Variants in CCDC39 observed in about 807,000 individuals in gnomAD.
CCDC39 encodes the protein coiled-coil domain 39 molecular ruler complex subunit, also known as coiled-coil domain-containing protein 39.
CCDC39 carries 113 observed loss-of-function variants against 121.0 expected under a neutral mutation model. The ratio of observed to expected loss-of-function variants is 0.93; its 90% CI spans 0.80 to 1.09. The LOEUF is 1.09. CCDC39 is among the 50% of genes least tolerant of loss of function. The pLI, the probability that CCDC39 is intolerant of heterozygous loss-of-function variation, is 0.00. For synonymous variants in CCDC39, 349 were observed against 352.2 expected (o/e 0.99, Z 0.10); for missense variants, 1,063 against 1,074.7 (o/e 0.99, Z 0.15).
chr3:180,642,654 G>T (rs976311827), intron 12 of CCDC39, among the ~76,000 whole-genome samples: 3 of 151,978 alleles, frequency 2.0e-5, no homozygotes, highest in African/African-American at 7.2e-5. Context: ...AAACACTCCA[G>T]GATATAAGAT....
At chr3:180,670,780 G>T (rs868354912) in intron 1 of CCDC39, among the ~76,000 whole-genome samples, 1 of 152,030 alleles carries the variant, frequency 6.6e-6, no homozygotes, top group South Asian at 2.1e-4. Context: ...AATATGAGGT[G>T]GGTCTAGACT....
chr3:180,677,700 G>T (rs958743148), intron 1 of CCDC39, among the ~76,000 whole-genome samples: 1 of 151,702 alleles, frequency 6.6e-6, no homozygotes, highest in Non-Finnish European at 1.5e-5. Context: ...GTTAAATACC[G>T]CATATATATA....
chr3:180,654,997 T>C, intron 6 of CCDC39, 44 bp from the exon 7 acceptor site: 1 of 1,236,488 alleles, frequency 8.1e-7, no homozygotes. Context: ...ATGTTTAAAC[T>C]GAGAAAACTA....
intron 13 of CCDC39, among the ~76,000 whole-genome samples, chr3:180,637,219 TAAAC>T (rs1245092499): frequency 1.6e-4 from 24 of 151,794 alleles, no homozygotes; most frequent in Admixed American, 1.6e-3. Flanking sequence ...ATAAGGAACT[TAAAC>T]AAATTTATAA....
chr3:180,668,818 A>G (rs1238572808), intron 1 of CCDC39, among the ~76,000 whole-genome samples: 4 of 152,196 alleles, frequency 2.6e-5, no homozygotes, highest in Non-Finnish European at 5.9e-5. Context: ...AGAACATAAT[A>G]GCACTCAATA....
intron 16 of CCDC39, among the ~76,000 whole-genome samples, chr3:180,618,492 G>A (rs1178027766): frequency 6.6e-6 from 1 of 151,708 alleles, no homozygotes; most frequent in East Asian, 1.9e-4. Flanking sequence ...GTGCCATGTT[G>A]GTGTGCTGCA....
Position 180,661,928 on chromosome 3 carries a change from A to T in CCDC39, c.290T>A (p.Val97Glu). The change falls in exon 3 of 20, where the codon GTG (valine) becomes GAG (glutamate). Residue 97 changes from valine (V) to glutamate (E), a missense_variant. By Grantham distance (121) the Val-to-Glu change is moderately radical (BLOSUM62 -2). Coordinates refer to ENST00000476379, the MANE Select transcript of CCDC39 (RefSeq NM_181426.2). ...KAIAQRELGR[V>E]KDEIQRLENE... ...TTCCAGCCGTTGAATTTCATCTTTC[A>T]CTCGTCCCAATTCTCTTTGAGCAAT... 1 of 1,579,680 alleles carries T rather than the reference A, an allele frequency of 6.3e-7. No individual in the cohort carries two copies. The highest frequency in any genetic ancestry group is 1.2e-5 in the South Asian group (1 of 86,478).
intron 14 of CCDC39, among the ~76,000 whole-genome samples, chr3:180,626,400 A>C (rs1413448043): frequency 6.6e-6 from 1 of 152,026 alleles, no homozygotes; most frequent in African/African-American, 2.4e-5. Context: ...GGTTCCCAGG[A>C]CACTGGCAGA....
At chr3:180,664,325 C>T (rs570547898) in intron 1 of CCDC39, among the ~76,000 whole-genome samples, 18 of 152,186 alleles carry the variant, frequency 1.2e-4, no homozygotes, top group East Asian at 5.8e-4. Context: ...TAAAAGAGCA[C>T]CAACACCATT....
chr3:180,664,640 T>C (rs1187922434), intron 1 of CCDC39, among the ~76,000 whole-genome samples: 1 of 152,008 alleles, frequency 6.6e-6, no homozygotes, highest in Non-Finnish European at 1.5e-5. Flanking sequence ...CATACAGCAA[T>C]ACTATATTTT....
At chr3:180,616,204 G>A (rs993398982) in intron 19 of CCDC39, 77 bp downstream of exon 19, 2 of 1,223,068 alleles carry the variant, frequency 1.6e-6, no homozygotes, top group African/African-American at 3.0e-5. Context: ...AACAGCTGCG[G>A]TGATGTAGAA....
At chr3:180,650,213 A>G (rs1718167415) in intron 9 of CCDC39, among the ~76,000 whole-genome samples, 1 of 152,182 alleles carries the variant, frequency 6.6e-6, no homozygotes, top group African/African-American at 2.4e-5. Context: ...GTTCCTCAAA[A>G]ATTGGCTTTA....
At chr3:180,641,517 C>G (rs1380968987) in intron 13 of CCDC39, among the ~76,000 whole-genome samples, 1 of 151,924 alleles carries the variant, frequency 6.6e-6, no homozygotes, top group African/African-American at 2.4e-5. Context: ...TTAGAATGTA[C>G]TGATTGTTAG....
At chr3:180,652,442 AT>A (rs1284706548) in intron 7 of CCDC39, among the ~76,000 whole-genome samples, 176 bp from the exon 8 acceptor site, 1 of 152,172 alleles carries the variant, frequency 6.6e-6, no homozygotes, top group African/African-American at 2.4e-5. Context: ...CTGCTATCAA[AT>A]TTTAATTGGC....
chr3:180,619,747 T>C (rs1351967472), intron 15 of CCDC39, 64 bp downstream of exon 15: 2 of 957,344 alleles, frequency 2.1e-6, no homozygotes, highest in Non-Finnish European at 3.0e-6. Context: ...TGTCTCACAG[T>C]GTTCCTTTTA....
At chr3:180,625,773 A>C (rs1717544719) in intron 14 of CCDC39, among the ~76,000 whole-genome samples, 1 of 151,748 alleles carries the variant, frequency 6.6e-6, no homozygotes, top group African/African-American at 2.4e-5. Context: ...TGATTTCCTC[A>C]GTGACTTAAG....
At position 180,651,872 on chromosome 3, in the gene CCDC39, A is replaced by C. The variant is rs143946417; in HGVS notation, c.1034+291T>G. Among the ~76,000 whole-genome samples, 549 of 152,156 alleles carry C rather than the reference A, an allele frequency of 3.6e-3. 1 individual carries two copies. The highest frequency in any genetic ancestry group is 6.8e-3 in the Middle Eastern group (2 of 294). On this transcript the variant is annotated intron_variant, in intron 8 of 19. Transcript: ENST00000476379. ...CTAACACGGTGAAACCCCGTCTCTAATAAAAATACAAAAAATTAGCTGGGC... is the reference window on the plus strand; with the variant it reads ...CTAACACGGTGAAACCCCGTCTCTACTAAAAATACAAAAAATTAGCTGGGC...
intron 1 of CCDC39, among the ~76,000 whole-genome samples, chr3:180,670,083 G>A (rs1409341896): frequency 3.9e-5 from 6 of 151,922 alleles, no homozygotes; most frequent in Middle Eastern, 3.4e-3. Flanking sequence ...TCCTCATAAC[G>A]GGGACATAAC....
Position 180,661,913 on chromosome 3 carries a change from T to G in CCDC39, c.305A>C (p.Gln102Pro). Residue 102 changes from glutamine (Q) to proline (P), a missense_variant, in exon 3 of 20, where the codon CAA becomes CCA. Transcript: ENST00000476379. ...TGAAGCCATCTCATTTTCCAGCCGT[T>G]GAATTTCATCTTTCACTCGTCCCAA... ...RELGRVKDEI[Q>P]RLENEMASIL... is the part of the protein sequence containing the mutation. 6.3e-7 allele frequency: 1 copy of G among 1,587,566 alleles called. No homozygotes were observed. Among genetic ancestry groups the G allele is most frequent in the Non-Finnish European group, 8.6e-7 (1 of 1,165,164 alleles).
Sources: gnomAD v4.1 joint callset for allele counts (sites outside exome capture counted in the v4.1 genomes callset) on GRCh38, gnomAD v4.1.1 for gene constraint, MANE v1.5 for transcripts, NCBI Gene and HGNC (gene_info 2026-07-23, HGNC 2026-07-21) for gene names.